Variants in COL21A1 observed in about 807,000 individuals in gnomAD.
COL21A1 encodes collagen alpha-1(XXI) chain.
Under a neutral mutation model 137.9 loss-of-function variants are expected in COL21A1, and 149 were observed. That is an observed-to-expected ratio of 1.08 (90% CI 0.95 to 1.24). The LOEUF is 1.24. Ranked by LOEUF, COL21A1 falls within the 50% of genes most tolerant of loss-of-function variation. The probability of loss-of-function intolerance (pLI) is 0.00; values close to 1 mark genes in which losing one functional copy is unlikely to be tolerated. For synonymous variants in COL21A1, 456 were observed against 391.5 expected (o/e 1.16, Z -1.95); for missense variants, 1,167 against 1,158.4 (o/e 1.01, Z -0.11).
intron 1 of COL21A1, among the ~76,000 whole-genome samples, chr6:56,288,714 C>A (rs576942775): frequency 5.4e-4 from 82 of 152,276 alleles, no homozygotes; most frequent in African/African-American, 1.9e-3. Context: ...TATCTGGGAA[C>A]CAGTTAGCAC....
chr6:56,113,583 G>A, intron 16 of COL21A1, among the ~76,000 whole-genome samples: 1 of 152,140 alleles, frequency 6.6e-6, no homozygotes, highest in East Asian at 1.9e-4. Context: ...CTACACCAAG[G>A]GCCTTGGTGA....
At chr6:56,337,630 T>C (rs1407505286) in intron 1 of COL21A1, among the ~76,000 whole-genome samples, 1 of 152,232 alleles carries the variant, frequency 6.6e-6, no homozygotes, top group Non-Finnish European at 1.5e-5. Context: ...GAAGTGGAGA[T>C]AACATCTAGC....
chr6:56,271,166 T>C, intron 1 of COL21A1, among the ~76,000 whole-genome samples: 1 of 152,202 alleles, frequency 6.6e-6, no homozygotes, highest in South Asian at 2.1e-4. Context: ...ATGCTGATAG[T>C]GACAATGAAG....
intron 1 of COL21A1, among the ~76,000 whole-genome samples, chr6:56,386,535 C>T (rs2094018567): frequency 6.6e-6 from 1 of 152,118 alleles, no homozygotes; most frequent in East Asian, 1.9e-4. Context: ...TACCATTTTA[C>T]ATTCCTACCA....
intron 1 of COL21A1, among the ~76,000 whole-genome samples, chr6:56,236,774 T>C (rs1457317170): frequency 6.6e-6 from 1 of 152,064 alleles, no homozygotes; most frequent in Admixed American, 6.6e-5. Context: ...CTCAATCTAC[T>C]AAGTACCTAA....
intron 1 of COL21A1, among the ~76,000 whole-genome samples, chr6:56,196,014 C>A (rs1778997142): frequency 6.6e-6 from 1 of 152,096 alleles, no homozygotes; most frequent in Non-Finnish European, 1.5e-5. Flanking sequence ...TTCAAAGTGT[C>A]ATATGCATGA....
At chr6:56,321,517 G>A (rs1221595628) in intron 1 of COL21A1, among the ~76,000 whole-genome samples, 1 of 152,086 alleles carries the variant, frequency 6.6e-6, no homozygotes, top group African/African-American at 2.4e-5. Context: ...TTTCTTACTT[G>A]CTGTTTATGT....
At chr6:56,249,548 A>G (rs781237966), upstream of COL21A1, among the ~76,000 whole-genome samples, 3 of 152,240 alleles carry the variant, frequency 2.0e-5, no homozygotes, top group Non-Finnish European at 4.4e-5. Context: ...GGAATGAAAC[A>G]CTACATGCTA....
intron 1 of COL21A1, among the ~76,000 whole-genome samples, chr6:56,280,786 G>T (rs1399909871): frequency 6.6e-6 from 1 of 152,096 alleles, no homozygotes; most frequent in African/African-American, 2.4e-5. Context: ...GTCAATGTGG[G>T]TGGATTATTG....
At chr6:56,347,517 TAAAAAAAAAA>T (rs373385667) in intron 1 of COL21A1, among the ~76,000 whole-genome samples, 2 of 127,182 alleles carry the variant, frequency 1.6e-5, no homozygotes, top group Admixed American at 8.0e-5. Context: ...AGGAAGCATT[TAAAAAAAAAA>T]AAAAAAAAAA....
chr6:56,164,732 A>C, intron 8 of COL21A1, 82 bp downstream of exon 8: 2 of 1,125,220 alleles, frequency 1.8e-6, no homozygotes, highest in Non-Finnish European at 2.5e-6. Context: ...TCTAATATAC[A>C]TACTTACAGT....
At chr6:56,257,442 G>A (rs144067373) in intron 1 of COL21A1, among the ~76,000 whole-genome samples, 323 of 151,988 alleles carry the variant, frequency 2.1e-3, no homozygotes, top group African/African-American at 7.3e-3. Context: ...CACAAAAGTA[G>A]GCAAATATTT....
At chr6:56,085,650 A>G (rs1768174145) in intron 17 of COL21A1, among the ~76,000 whole-genome samples, 1 of 151,910 alleles carries the variant, frequency 6.6e-6, no homozygotes, top group African/African-American at 2.4e-5. Context: ...ACTTGTTTCA[A>G]AGTCTCTATA....
intron 1 of COL21A1, among the ~76,000 whole-genome samples, chr6:56,319,833 T>C (rs772930742): frequency 2.0e-5 from 3 of 152,186 alleles, no homozygotes; most frequent in Non-Finnish European, 4.4e-5. Context: ...GCAGGATCCT[T>C]AACACCTCTA....
At chr6:56,226,963 T>C (rs928608367) in intron 1 of COL21A1, among the ~76,000 whole-genome samples, 2 of 151,962 alleles carry the variant, frequency 1.3e-5, no homozygotes, top group African/African-American at 4.8e-5. Context: ...ACAAACAGTA[T>C]AATGGACTTT....
At chr6:56,151,423 A>G (rs1268189003) in intron 10 of COL21A1, among the ~76,000 whole-genome samples, 1 of 152,178 alleles carries the variant, frequency 6.6e-6, no homozygotes, top group African/African-American at 2.4e-5. Flanking sequence ...GGCAGGATAT[A>G]TAAATATTTC....
At chr6:56,159,506 T>C (rs182717116) in intron 9 of COL21A1, among the ~76,000 whole-genome samples, 2 of 152,128 alleles carry the variant, frequency 1.3e-5, no homozygotes, top group East Asian at 3.9e-4. Context: ...CTAATTTTTA[T>C]AATTTTAGTA....
intron 1 of COL21A1, among the ~76,000 whole-genome samples, chr6:56,277,369 C>A (rs1763693004): frequency 6.6e-6 from 1 of 152,106 alleles, no homozygotes; most frequent in African/African-American, 2.4e-5. Context: ...TGCTCAATTC[C>A]CACCTATGAG....
chr6:56,278,826 T>A (rs1457894183), intron 1 of COL21A1, among the ~76,000 whole-genome samples: 1 of 152,224 alleles, frequency 6.6e-6, no homozygotes, highest in Non-Finnish European at 1.5e-5. Context: ...AATATCTTCA[T>A]CTCTCTAAAC....
Sources: allele counts gnomAD v4.1 joint callset (sites outside exome capture counted in the v4.1 genomes callset), GRCh38; gene constraint gnomAD v4.1.1; transcripts MANE v1.5; gene names NCBI Gene and HGNC (gene_info 2026-07-23, HGNC 2026-07-21).